CTNNA3: variants seen among roughly 807,000 people sequenced by gnomAD.
CTNNA3 encodes the protein catenin alpha 3, also known as catenin alpha-3.
CTNNA3 carries 76 observed loss-of-function variants against 95.7 expected under a neutral mutation model. That is an observed-to-expected ratio of 0.79 (90% confidence interval 0.66 to 0.96). The LOEUF is 0.96. CTNNA3 is among the 40% of genes least tolerant of loss of function. The pLI is 0.00. For missense variants in CTNNA3, 1,191 were observed against 1,089.8 expected, an observed-to-expected ratio of 1.09 and a Z score of -1.31; for synonymous variants, 431 against 374.4, an observed-to-expected ratio of 1.15 and a Z score of -1.74.
intron 13 of CTNNA3, among the ~76,000 whole-genome samples, chr10:66,145,316 C>T (rs1049115465): frequency 6.6e-6 from 1 of 152,128 alleles, no homozygotes; most frequent in Admixed American, 6.6e-5. Context: ...ACATTAGCAC[C>T]ATATCATGTA....
At position 66,591,511 on chromosome 10, in the gene CTNNA3, G is replaced by C. The variant is rs142646602; in HGVS notation, c.1374+30181C>G. On this transcript the variant is annotated intron_variant, in intron 10 of 17. Transcript: ENST00000433211. ...ATGGAAACTGCTTTACTTGATCACTGTTCTTAAAGCAACCCATTCATCTGT... is the reference window on the plus strand; with the variant it reads ...ATGGAAACTGCTTTACTTGATCACTCTTCTTAAAGCAACCCATTCATCTGT... 3.1e-3 allele frequency among the ~76,000 whole-genome samples: 469 copies of C among 152,178 alleles called. 3 individuals are homozygous for C. Among genetic ancestry groups the C allele is most frequent in the African/African-American group, 0.011 (453 of 41,540 alleles).
rs1439343634 is a variant in CTNNA3 at position 65,944,889 on chromosome 10, T to TATC, written c.2400+21720_2400+21722dup. 1.1e-3 allele frequency among the ~76,000 whole-genome samples: 122 copies of TATC among 113,230 alleles called. 2 individuals are homozygous for TATC. Among genetic ancestry groups the TATC allele is most frequent in the Admixed American group, 2.2e-3 (22 of 9,832 alleles). The allele number at this position is 113,230 out of a possible 152,430, so 74.3% of individuals were successfully genotyped here. A position where few individuals can be genotyped will look rare whatever the true frequency, so the allele number is the denominator to read the frequency against. On this transcript the variant is annotated intron_variant, in intron 17 of 17. Transcript: ENST00000433211. The stretch of plus-strand genomic sequence containing the variant: ...CTATCTATCTATCTATCTATCTATC[T>TATC]ATCTATCTATCATCTATCTATCATC...
intron 12 of CTNNA3, among the ~76,000 whole-genome samples, chr10:66,321,491 CTT>C (rs770149539): frequency 5.9e-5 from 9 of 152,080 alleles, no homozygotes; most frequent in Non-Finnish European, 1.0e-4. Context: ...ATAAAAAACT[CTT>C]AGCCTGTTTT....
intron 7 of CTNNA3, among the ~76,000 whole-genome samples, chr10:67,039,862 A>T (rs1009388141): frequency 6.6e-6 from 1 of 152,176 alleles, no homozygotes; most frequent in African/African-American, 2.4e-5. Flanking sequence ...AGACCGTTAC[A>T]GATTAATCTG....
chr10:66,204,921 A>G (rs1408187058), intron 13 of CTNNA3, among the ~76,000 whole-genome samples: 5 of 152,180 alleles, frequency 3.3e-5, no homozygotes, highest in Non-Finnish European at 7.4e-5. Flanking sequence ...AATGGCAGAA[A>G]TGAAGACTGT....
intron 5 of CTNNA3, among the ~76,000 whole-genome samples, chr10:67,251,666 A>G (rs1002579196): frequency 6.6e-6 from 1 of 152,182 alleles, no homozygotes; most frequent in Non-Finnish European, 1.5e-5. Flanking sequence ...CGGGGGTTGG[A>G]AAACTGCTGG....
chr10:66,464,391 T>C (rs1369510182), intron 11 of CTNNA3, among the ~76,000 whole-genome samples: 2 of 152,140 alleles, frequency 1.3e-5, no homozygotes, highest in Admixed American at 6.6e-5. Flanking sequence ...CTTTATTCCC[T>C]TGACATAGTT....
intron 1 of CTNNA3, among the ~76,000 whole-genome samples, chr10:67,717,093 CAT>C (rs565066877): frequency 2.6e-4 from 40 of 152,178 alleles, no homozygotes; most frequent in East Asian, 5.8e-4. Context: ...CTTTTTTTCA[CAT>C]GTTTGTTGGC....
chr10:65,945,857 T>C (rs1462967306), intron 17 of CTNNA3, among the ~76,000 whole-genome samples: 1 of 152,298 alleles, frequency 6.6e-6, no homozygotes, highest in South Asian at 2.1e-4. Context: ...TAGTTGTCAT[T>C]GTGGTTACCA....
chr10:67,721,313 T>G (rs1322643292), intron 1 of CTNNA3, among the ~76,000 whole-genome samples: 1 of 152,140 alleles, frequency 6.6e-6, no homozygotes, highest in Non-Finnish European at 1.5e-5. Context: ...TTAGGTTTGG[T>G]CTTTTCACAT....
At chr10:66,552,040 A>T (rs1416516387) in intron 10 of CTNNA3, among the ~76,000 whole-genome samples, 1 of 151,020 alleles carries the variant, frequency 6.6e-6, no homozygotes, top group Non-Finnish European at 1.5e-5. Flanking sequence ...AGCAGCTGGG[A>T]TTACAGGCGT....
At chr10:65,958,776 A>C (rs1029761230) in intron 17 of CTNNA3, among the ~76,000 whole-genome samples, 4 of 152,140 alleles carry the variant, frequency 2.6e-5, no homozygotes, top group African/African-American at 9.7e-5. Flanking sequence ...AGGGGCAACC[A>C]GGCGTATGAG....
intron 5 of CTNNA3, among the ~76,000 whole-genome samples, chr10:67,421,837 C>G (rs1051957454): frequency 6.6e-6 from 1 of 151,896 alleles, no homozygotes; most frequent in Non-Finnish European, 1.5e-5. Context: ...TATAAACAAA[C>G]AAATGGACTA....
At chr10:66,010,295 T>C (rs776717242) in intron 15 of CTNNA3, among the ~76,000 whole-genome samples, 3 of 152,112 alleles carry the variant, frequency 2.0e-5, no homozygotes, top group Non-Finnish European at 2.9e-5. Flanking sequence ...TTTCAGATGC[T>C]GGATATTAGA....
At chr10:65,987,173 C>T (rs1212368253) in intron 16 of CTNNA3, among the ~76,000 whole-genome samples, 1 of 151,746 alleles carries the variant, frequency 6.6e-6, no homozygotes, top group Non-Finnish European at 1.5e-5. Flanking sequence ...GCACAGGCAA[C>T]AAAAGCAAAA....
At chr10:67,259,968 T>A (rs1866528182) in intron 5 of CTNNA3, among the ~76,000 whole-genome samples, 1 of 152,206 alleles carries the variant, frequency 6.6e-6, no homozygotes, top group Non-Finnish European at 1.5e-5. Flanking sequence ...ATATACTATA[T>A]GTTAGTATAA....
intron 5 of CTNNA3, among the ~76,000 whole-genome samples, chr10:67,455,628 T>C (rs1285118420): frequency 6.6e-6 from 1 of 152,170 alleles, no homozygotes; most frequent in African/African-American, 2.4e-5. Flanking sequence ...AGAATGTCAC[T>C]TTACCTTTGT....
chr10:67,202,555 CAAACTAATAA>C (rs1863696896), intron 6 of CTNNA3, among the ~76,000 whole-genome samples: 2 of 152,012 alleles, frequency 1.3e-5, no homozygotes, highest in South Asian at 4.1e-4. Context: ...TTCGCAAGAC[CAAACTAATAA>C]AAACTAATAA....
At chr10:66,876,867 A>G (rs185688500) in intron 7 of CTNNA3, among the ~76,000 whole-genome samples, 84 of 152,302 alleles carry the variant, frequency 5.5e-4, no homozygotes, top group Non-Finnish European at 1.8e-4. Flanking sequence ...TTGTTCTGTG[A>G]CATGCAAACT....
Sources: allele counts gnomAD v4.1 joint callset (sites outside exome capture counted in the v4.1 genomes callset), GRCh38; gene constraint gnomAD v4.1.1; transcripts MANE v1.5; gene names NCBI Gene and HGNC (gene_info 2026-07-23, HGNC 2026-07-21).